Variants in OXNAD1 observed in about 807,000 individuals in gnomAD.
OXNAD1 encodes oxidoreductase NAD-binding domain-containing protein 1.
A neutral mutation model predicts 32.9 loss-of-function variants in OXNAD1; 34 were observed. That is an observed-to-expected ratio of 1.03 (90% CI 0.79 to 1.38). OXNAD1 has a LOEUF of 1.38. OXNAD1 is among the 40% of genes most tolerant of loss of function. OXNAD1 has a pLI of 0.00. For synonymous variants in OXNAD1, 134 were observed against 135.2 expected, an observed-to-expected ratio of 0.99 and a Z score of 0.06; for missense variants, 407 against 379.4, an observed-to-expected ratio of 1.07 and a Z score of -0.60.
In OXNAD1 at chr3:16,345,764, G is replaced by A. The variant is rs1052340353; in HGVS notation, c.*31-3412G>A. On this transcript the variant is annotated intron_variant, in intron 9 of 9. Transcript: ENST00000606098. This position sits in a 1 kb window ranked among gnomAD's most constrained non-coding sequence, Gnocchi z 5.2. ...GACTCCTCAGCCTCCATAATCACAT[G>A]AGCCAAAACCTTATAATAAATCTCT... Among the ~76,000 whole-genome samples the A allele has an allele frequency of 6.7e-6, 1 of 149,232 alleles. No homozygotes were observed. Among genetic ancestry groups the A allele is most frequent in the Non-Finnish European group, 1.5e-5 (1 of 67,124 alleles).
chr3:16,296,459 A>G (rs1246682465), intron 6 of OXNAD1, among the ~76,000 whole-genome samples: 1 of 152,240 alleles, frequency 6.6e-6, no homozygotes, highest in Non-Finnish European at 1.5e-5. Flanking sequence ...TTTTTTATAG[A>G]TATGGACAAA....
In OXNAD1 at chr3:16,294,978, C is replaced by T. The variant is rs2066675135; in HGVS notation, c.413C>T (p.Ala138Val). The change falls in exon 6 of 9, where the codon GCC becomes GTC. Residue 138 changes from alanine (A) to valine (V), a missense_variant. Transcript: ENST00000285083. ...LAVKYTNHPP[A>V]LWVHNTCTLD... is the part of the protein sequence containing the mutation. ...GTGAAATATACGAACCACCCTCCTG[C>T]CCTCTGGGTTCACAATACGGTAAGC... The T allele has an allele frequency of 6.2e-7, 1 of 1,612,236 alleles. No homozygotes were observed. Among genetic ancestry groups the T allele is most frequent in the Admixed American group, 1.7e-5 (1 of 59,758 alleles).
chr3:16,278,024 T>C (rs2065467935), intron 4 of OXNAD1, among the ~76,000 whole-genome samples: 1 of 152,228 alleles, frequency 6.6e-6, no homozygotes, highest in Non-Finnish European at 1.5e-5. Context: ...GCTTGGCCTC[T>C]ACAGACTGTT....
At position 16,348,761 on chromosome 3, in the gene OXNAD1, G is replaced by A. The variant is rs553020600; in HGVS notation, c.*31-415G>A. Among the ~76,000 whole-genome samples, 1 of 152,210 alleles carries A rather than the reference G, an allele frequency of 6.6e-6. No individual in the cohort carries two copies. Among genetic ancestry groups the A allele is most frequent in the South Asian group, 2.1e-4 (1 of 4,816 alleles). ...GGAACCCCTAATCACCATCTCAAGTGGTTCTTTCTCATTTTTTATGTACTC... is the reference window on the plus strand; with the variant it reads ...GGAACCCCTAATCACCATCTCAAGTAGTTCTTTCTCATTTTTTATGTACTC... On this transcript the variant is annotated intron_variant, in intron 9 of 9. Coordinates refer to the OXNAD1 transcript ENST00000606098. This position sits in a 1 kb window ranked among gnomAD's most constrained non-coding sequence, Gnocchi z 6.3.
intron 9 of OXNAD1, chr3:16,326,915 C>A: frequency 1.3e-6 from 2 of 1,507,598 alleles, no homozygotes; most frequent in Non-Finnish European, 9.2e-7. Flanking sequence ...GCTGCTGCCA[C>A]AAGCCAACTC....
chr3:16,271,651 T>C lies in OXNAD1; in HGVS notation c.120-8T>C. 1 of 1,583,280 alleles carries C rather than the reference T, an allele frequency of 6.3e-7. No homozygotes were observed. Among genetic ancestry groups the C allele is most frequent in the Non-Finnish European group, 8.6e-7 (1 of 1,167,912 alleles). Reference sequence around the variant, plus strand: ...TATGTAATAACCTAATTTTACTTTCTATTAAAGCATAATGAAATCCAAAAG... The same window carrying C: ...TATGTAATAACCTAATTTTACTTTCCATTAAAGCATAATGAAATCCAAAAG... On this transcript the variant is annotated splice_polypyrimidine_tract_variant and splice_region_variant and intron_variant, in intron 3 of 8. Coordinates refer to ENST00000285083, the MANE Select transcript of OXNAD1 (RefSeq NM_138381.5). This position sits in a 1 kb window ranked among gnomAD's most constrained non-coding sequence, Gnocchi z 4.6.
At chr3:16,295,734 C>A (rs1360269727) in intron 6 of OXNAD1, among the ~76,000 whole-genome samples, 1 of 152,174 alleles carries the variant, frequency 6.6e-6, no homozygotes, top group Non-Finnish European at 1.5e-5. Context: ...TATTTACCAA[C>A]AACCTCCATC....
downstream of OXNAD1, chr3:16,350,401 C>T (rs542591): frequency 6.6e-6 from 1 of 151,966 alleles, no homozygotes; most frequent in African/African-American, 2.4e-5. Context: ...CATGGATGGG[C>T]GTGGGCATTT....
rs1194176485 is a variant in OXNAD1 at position 16,317,990 on chromosome 3, AC to A, written c.*30+14399del. Among the ~76,000 whole-genome samples the A allele has an allele frequency of 3.3e-5, 5 of 152,000 alleles. No individual in the cohort carries two copies. The highest frequency in any genetic ancestry group is 7.4e-5 in the Non-Finnish European group (5 of 67,978). On this transcript the variant is annotated intron_variant, in intron 9 of 9. Transcript: ENST00000435829. This position sits in a 1 kb window ranked among gnomAD's most constrained non-coding sequence, Gnocchi z 4.3. ...CTGTACCGACAAGTGTTCTAAGGTA[AC>A]TCCCTCTAAAAACTTCCAATCTCAG... is the stretch of plus-strand genomic sequence containing the variant.
rs191261287 is a variant in OXNAD1 at position 16,346,481 on chromosome 3, C to G, written c.*31-2695C>G. 6.6e-6 allele frequency: 1 copy of G among 152,280 alleles called. No homozygotes were observed. Among genetic ancestry groups the G allele is most frequent in the East Asian group, 1.9e-4 (1 of 5,178 alleles). 9.4% of individuals were successfully genotyped at this position (152,280 alleles called of 1,614,324 possible). A position where few individuals can be genotyped will look rare whatever the true frequency, so the allele number is the denominator to read the frequency against. On this transcript the variant is annotated intron_variant, in intron 9 of 9. Transcript: ENST00000606098. This position sits in a 1 kb window ranked among gnomAD's most constrained non-coding sequence, Gnocchi z 4.4. ...TATCCAAACCGTCAACAAGTCCAGT[C>G]TTCTTGAAAATACCTCTAGGAGCAT...
At position 16,317,047 on chromosome 3, in the gene OXNAD1, C is replaced by T. The variant is rs777059989; in HGVS notation, c.*30+13455C>T. On this transcript the variant is annotated intron_variant, in intron 9 of 9. Coordinates refer to the OXNAD1 transcript ENST00000435829. This position sits in a 1 kb window ranked among gnomAD's most constrained non-coding sequence, Gnocchi z 4.3. Reference sequence around the variant, plus strand: ...CCTCTTGGACAGGGCCCTTCATCTCCTCGGAGACTCCACCCTCCTGCTGCT... The same window carrying T: ...CCTCTTGGACAGGGCCCTTCATCTCTTCGGAGACTCCACCCTCCTGCTGCT... The T allele has an allele frequency of 6.2e-7, 1 of 1,613,954 alleles. No individual in the cohort carries two copies. The highest frequency in any genetic ancestry group is 1.7e-5 in the Admixed American group (1 of 60,010).
chr3:16,272,213 C>T (rs1198492263), intron 4 of OXNAD1: 1 of 441,094 alleles, frequency 2.3e-6, no homozygotes, highest in Non-Finnish European at 4.5e-6. Context: ...CTCTTGTTAC[C>T]CTTCTAATGT....
In OXNAD1 at chr3:16,345,788, C is replaced by CTGTCTGTGTGTGTGTGTGTGTGTGTGTG. The variant is rs765619275; in HGVS notation, c.*31-3385_*31-3384insCTGTGTGTGTGTGTGTGTGTGTGTGTGT. On this transcript the variant is annotated intron_variant, in intron 9 of 9. Coordinates refer to the OXNAD1 transcript ENST00000606098. This position sits in a 1 kb window ranked among gnomAD's most constrained non-coding sequence, Gnocchi z 5.2. ...TGAGCCAAAACCTTATAATAAATCTCTGTGTGTGTGTGTGTGTGTGTGTGT... is the reference window on the plus strand; with the variant it reads ...TGAGCCAAAACCTTATAATAAATCTCTGTCTGTGTGTGTGTGTGTGTGTGTGTGTGTGTGTGTGTGTGTGTGTGTGTGT... Among the ~76,000 whole-genome samples, 1 of 127,174 alleles carries CTGTCTGTGTGTGTGTGTGTGTGTGTGTG rather than the reference C, an allele frequency of 7.9e-6. No individual in the cohort carries two copies. Among genetic ancestry groups the CTGTCTGTGTGTGTGTGTGTGTGTGTGTG allele is most frequent in the Non-Finnish European group, 1.7e-5 (1 of 58,644 alleles). The allele number at this position is 127,174 out of a possible 152,430, so 83.4% of individuals were successfully genotyped here.
rs1351401069 is a variant in OXNAD1, at chr3:16,335,686, A to C, written c.*31-1426A>C. ...CTAATGGATGCTGGGCTTCATACCTAGGTGATAGCCTGATCTGAGCAGCAA... is the reference window on the plus strand; with the variant it reads ...CTAATGGATGCTGGGCTTCATACCTCGGTGATAGCCTGATCTGAGCAGCAA... On this transcript the variant is annotated intron_variant, in intron 9 of 9. Coordinates refer to the OXNAD1 transcript ENST00000435829. The surrounding 1 kb of genome is among the most constrained non-coding windows in gnomAD (Gnocchi z 4.7). 4.0e-5 allele frequency among the ~76,000 whole-genome samples: 6 copies of C among 151,760 alleles called. No homozygotes were observed. The highest frequency in any genetic ancestry group is 3.9e-4 in the Admixed American group (6 of 15,244).
Position 16,299,010 on chromosome 3 carries a change from TGTC to T in OXNAD1, c.433-2612_433-2610del, listed in dbSNP as rs2066996149. On this transcript the variant is annotated intron_variant, in intron 6 of 8. Coordinates refer to ENST00000285083, the MANE Select transcript of OXNAD1 (RefSeq NM_138381.5). The surrounding 1 kb of genome is among the most constrained non-coding windows in gnomAD (Gnocchi z 4.4). Reference sequence around the variant, plus strand: ...AATACAGACCTACCGAAGATTATTTTGTCGTCAAGGATAAGACAGGCTTCTTGA... The same window carrying T: ...AATACAGACCTACCGAAGATTATTTTGTCAAGGATAAGACAGGCTTCTTGA... Among the ~76,000 whole-genome samples, 1 of 152,222 alleles carries T rather than the reference TGTC, an allele frequency of 6.6e-6. No individual in the cohort carries two copies. Among genetic ancestry groups the T allele is most frequent in the Non-Finnish European group, 1.5e-5 (1 of 68,036 alleles).
At chr3:16,279,018 T>C (rs951129579) in intron 4 of OXNAD1, among the ~76,000 whole-genome samples, 7 of 152,224 alleles carry the variant, frequency 4.6e-5, no homozygotes, top group African/African-American at 1.4e-4. Context: ...CAATTTGAGG[T>C]AGGGGGCATC....
rs7620723 is a variant in OXNAD1 at position 16,342,955 on chromosome 3, A to G, written c.*31-6221A>G. The stretch of plus-strand genomic sequence containing the variant: ...CCCAGGCTCAAGTGAGCCTCCCACT[A>G]CAGCCCCTCTGAGTCGCTGGGAATA... On this transcript the variant is annotated intron_variant, in intron 9 of 9. Coordinates refer to the OXNAD1 transcript ENST00000606098. The surrounding 1 kb of genome is among the most constrained non-coding windows in gnomAD (Gnocchi z 4.0). Among the ~76,000 whole-genome samples the G allele has an allele frequency of 0.24, 36,824 of 151,862 alleles. 4,667 individuals carry two copies. Among genetic ancestry groups the G allele is most frequent in the Middle Eastern group, 0.32 (94 of 294 alleles).
At chr3:16,326,065 T>C (rs947494320) in intron 9 of OXNAD1, among the ~76,000 whole-genome samples, 3 of 152,250 alleles carry the variant, frequency 2.0e-5, no homozygotes, top group Non-Finnish European at 4.4e-5. Context: ...CTCAGTTTCC[T>C]CATCTGCAAA....
chr3:16,323,573 G>T, intron 9 of OXNAD1: 1 of 688,360 alleles, frequency 1.5e-6, no homozygotes, highest in Non-Finnish European at 2.5e-6. Context: ...GATTATGACA[G>T]GTTAGAAGAG....
Sources: allele counts gnomAD v4.1 joint callset (sites outside exome capture counted in the v4.1 genomes callset), GRCh38; gene constraint gnomAD v4.1.1; non-coding constraint Gnocchi (gnomAD v3.1); transcripts MANE v1.5; gene names NCBI Gene and HGNC (gene_info 2026-07-23, HGNC 2026-07-21).